Variants in COA1 observed in about 807,000 individuals in gnomAD.
The protein encoded by COA1 is cytochrome c oxidase assembly factor 1.
COA1 carries 13 observed loss-of-function variants against 16.0 expected under a neutral mutation model. The ratio of observed to expected loss-of-function variants is 0.81; its 90% CI spans 0.53 to 1.29. The LOEUF is 1.29. Among genes scored for constraint, COA1 ranks in the 50% most tolerant of loss-of-function variants. The probability of loss-of-function intolerance (pLI) is 0.00; values close to 1 mark genes in which losing one functional copy is unlikely to be tolerated. For synonymous variants in COA1, 65 were observed against 65.7 expected (o/e 0.99, Z 0.05); for missense variants, 179 against 177.0 (o/e 1.01, Z -0.06).
intron 6 of COA1, chr7:43,622,578 T>C (rs2084017892): frequency 6.6e-6 from 1 of 152,130 alleles, no homozygotes; most frequent in African/African-American, 2.4e-5. Context: ...GTTAAGTGGA[T>C]TGTGAGTAGA....
intron 1 of COA1, among the ~76,000 whole-genome samples, chr7:43,728,147 T>C (rs937671761): frequency 6.6e-6 from 1 of 152,116 alleles, no homozygotes; most frequent in Non-Finnish European, 1.5e-5. Context: ...GCTAATTTTT[T>C]GTATTTTTAG....
At chr7:43,695,674 A>T (rs2094504590) in intron 1 of COA1, among the ~76,000 whole-genome samples, 1 of 151,726 alleles carries the variant, frequency 6.6e-6, no homozygotes, top group South Asian at 2.1e-4. Context: ...AAGTCATTAC[A>T]TACCAATCAT....
At chr7:43,702,707 C>T (rs539082206) in intron 1 of COA1, among the ~76,000 whole-genome samples, 1 of 152,168 alleles carries the variant, frequency 6.6e-6, no homozygotes, top group Admixed American at 6.5e-5. Context: ...TTGGTGGTAA[C>T]GTCACCTTTG....
chr7:43,628,816 C>G (rs537579118), intron 6 of COA1, among the ~76,000 whole-genome samples: 1 of 152,238 alleles, frequency 6.6e-6, no homozygotes, highest in African/African-American at 2.4e-5. Context: ...CACTCTATAG[C>G]TTGCCTGTTC....
At chr7:43,713,253 C>G (rs572377502) in intron 1 of COA1, among the ~76,000 whole-genome samples, 63 of 152,028 alleles carry the variant, frequency 4.1e-4, no homozygotes, top group Non-Finnish European at 8.1e-4. Context: ...TGCCCAGCCT[C>G]AATACATATA....
exon 7 of COA1, chr7:43,609,343 T>C (rs1367741466): frequency 6.6e-6 from 1 of 152,300 alleles, no homozygotes; most frequent in Non-Finnish European, 1.5e-5. Flanking sequence ...AACCAGTAAG[T>C]GTGCTGGTTG....
intron 1 of COA1, among the ~76,000 whole-genome samples, chr7:43,689,133 T>C (rs531637072): frequency 9.2e-5 from 14 of 152,318 alleles, no homozygotes; most frequent in East Asian, 3.9e-4. Context: ...GCCTGGATAA[T>C]AGCATCCTAA....
intron 6 of COA1, chr7:43,623,474 G>A (rs2084133854): frequency 1.1e-6 from 1 of 945,628 alleles, no homozygotes; most frequent in Non-Finnish European, 1.6e-6. Context: ...ACGTTGGATA[G>A]TGCCTTATAG....
chr7:43,694,669 C>G (rs2094475724), intron 1 of COA1, among the ~76,000 whole-genome samples: 1 of 152,228 alleles, frequency 6.6e-6, no homozygotes, highest in Non-Finnish European at 1.5e-5. Context: ...CCTCCCAACT[C>G]TAAACACTGG....
In COA1 at chr7:43,664,103, A is replaced by AGAGAGAGAGAGAGAGAGAGAGAG. The variant is rs2092695982; in HGVS notation, c.-38-15452_-38-15451insCTCTCTCTCTCTCTCTCTCTCTC. Among the ~76,000 whole-genome samples the AGAGAGAGAGAGAGAGAGAGAGAG allele has an allele frequency of 2.2e-5, 3 of 135,144 alleles. 1 individual carries two copies. The highest frequency in any genetic ancestry group is 6.1e-5 in the African/African-American group (2 of 33,036). The allele number at this position is 135,144 out of a possible 152,430, so 88.7% of individuals were successfully genotyped here. A position where few individuals can be genotyped will look rare whatever the true frequency, so the allele number is the denominator to read the frequency against. On this transcript the variant is annotated intron_variant, in intron 1 of 5. Transcript: ENST00000223336. ...GAATCATTTAGTATTTGTCTTTAGA[A>AGAGAGAGAGAGAGAGAGAGAGAG]AGAGAGAGAGAGAGAGAGAGAGAGA...
chr7:43,677,274 A>G (rs574571930), intron 1 of COA1, among the ~76,000 whole-genome samples: 234 of 152,348 alleles, frequency 1.5e-3, no homozygotes, highest in African/African-American at 5.4e-3. Context: ...TCCTCAACAA[A>G]TGCTCTTTTA....
At chr7:43,711,320 A>G (rs2095240745) in intron 1 of COA1, 1 of 152,026 alleles carries the variant, frequency 6.6e-6, no homozygotes, top group Admixed American at 6.6e-5. Flanking sequence ...TGCTCATCAT[A>G]CCACATCAGT....
rs562448976 is a variant in COA1, at chr7:43,614,162, A to C, written c.*134-4667T>G. ...AACTTTACAATGATCTTAGCCGCCA[A>C]ATCTTCTCCAGTGGTGATTGTTCAG... On this transcript the variant is annotated intron_variant and NMD_transcript_variant, in intron 6 of 6. Coordinates refer to the COA1 transcript ENST00000415076. Among the ~76,000 whole-genome samples, 6 of 152,262 alleles carry C rather than the reference A, an allele frequency of 3.9e-5. No homozygotes were observed. In the South Asian group the frequency reaches 6.2e-4, roughly 16 times the overall value.
At chr7:43,660,006 C>T (rs1434650843) in intron 1 of COA1, among the ~76,000 whole-genome samples, 3 of 152,178 alleles carry the variant, frequency 2.0e-5, no homozygotes, top group African/African-American at 4.8e-5. Flanking sequence ...GTGGCATCTA[C>T]AAGCCAAGGC....
At chr7:43,623,973 A>G in intron 6 of COA1, 1 of 992,660 alleles carries the variant, frequency 1.0e-6, no homozygotes, top group Non-Finnish European at 1.3e-6. Context: ...TTTTTCTTGA[A>G]TCTCCTCCAA....
rs1472060576 is a variant in COA1, at chr7:43,695,166, C to T, written c.-39+34263G>A. Among the ~76,000 whole-genome samples the T allele has an allele frequency of 3.3e-5, 5 of 150,762 alleles. 1 individual carries two copies. In the Admixed American group the frequency reaches 3.6e-4, roughly 11 times the overall value. Reference sequence around the variant, plus strand: ...CTCCTGCTTCCTCCCTTACAGTCCCCTCTCAACAGAGCAACTAGTGTGATC... The same window carrying T: ...CTCCTGCTTCCTCCCTTACAGTCCCTTCTCAACAGAGCAACTAGTGTGATC... On this transcript the variant is annotated intron_variant, in intron 1 of 5. Coordinates refer to ENST00000223336, the MANE Select transcript of COA1 (RefSeq NM_018224.4).
chr7:43,697,006 C>T (rs1468037664), intron 1 of COA1, among the ~76,000 whole-genome samples: 1 of 151,938 alleles, frequency 6.6e-6, no homozygotes, highest in East Asian at 1.9e-4. Flanking sequence ...CGCCTGTAGT[C>T]CCAGCTACTC....
intron 6 of COA1, among the ~76,000 whole-genome samples, chr7:43,617,311 T>G (rs1446204015): frequency 1.3e-5 from 2 of 152,160 alleles, no homozygotes; most frequent in African/African-American, 4.8e-5. Context: ...CAAAAGAACC[T>G]TCTGGCTTCA....
intron 6 of COA1, chr7:43,624,537 G>C (rs770775482): frequency 1.2e-6 from 2 of 1,612,758 alleles, no homozygotes; most frequent in Non-Finnish European, 1.7e-6. Context: ...CACTGCTGAA[G>C]AATGTCTAAA....
Sources: gnomAD v4.1 joint callset for allele counts (sites outside exome capture counted in the v4.1 genomes callset) on GRCh38, gnomAD v4.1.1 for gene constraint, MANE v1.5 for transcripts, NCBI Gene and HGNC (gene_info 2026-07-23, HGNC 2026-07-21) for gene names.